The following ADGRL4 variants were observed in gnomAD, a reference collection of about 807,000 sequenced individuals.
The protein encoded by ADGRL4 is adhesion G protein-coupled receptor L4.
ADGRL4 carries 90 observed loss-of-function variants against 74.8 expected under a neutral mutation model. That is an observed-to-expected ratio of 1.20 (90% confidence interval 1.02 to 1.43). The LOEUF (loss-of-function observed/expected upper bound fraction) is 1.43. Ranked by LOEUF, ADGRL4 falls within the 40% of genes most tolerant of loss-of-function variation. ADGRL4 has a pLI of 0.00. For synonymous variants in ADGRL4, 311 were observed against 279.2 expected, an observed-to-expected ratio of 1.11 and a Z score of -1.14; for missense variants, 881 against 814.3, an observed-to-expected ratio of 1.08 and a Z score of -1.00.
Position 78,891,181 on chromosome 1 carries a change from G to T in ADGRL4, c.2046C>A (p.Val682=), listed in dbSNP as rs765133355. The stretch of plus-strand genomic sequence containing the variant: ...ACCTTAAACATCCAAAACAACAGGG[G>T]ACATTTTTGAACAATCTGTAATATT... ...QEEYYRLFKN[V]PCCFGCLR Residue 682 remains valine (V), a synonymous_variant, in exon 15 of 15, where the codon GTC becomes GTA. Coordinates refer to ENST00000370742, the MANE Select transcript of ADGRL4 (RefSeq NM_022159.4). The T allele has an allele frequency of 1.9e-6, 3 of 1,610,504 alleles. No homozygotes were observed. The highest frequency in any genetic ancestry group is 2.5e-6 in the Non-Finnish European group (3 of 1,178,002).
intron 2 of ADGRL4, among the ~76,000 whole-genome samples, chr1:78,993,044 C>A (rs1459770091): frequency 2.6e-5 from 4 of 151,886 alleles, no homozygotes; most frequent in Non-Finnish European, 5.9e-5. Flanking sequence ...CACTGCTTAA[C>A]AGTAGAAAAA....
chr1:78,938,907 T>A (rs1021823136), intron 4 of ADGRL4, among the ~76,000 whole-genome samples: 8 of 152,090 alleles, frequency 5.3e-5, no homozygotes, highest in African/African-American at 1.9e-4. Flanking sequence ...CTCTTTACTA[T>A]TTTTTAATCA....
chr1:78,945,177 A>AAAAATATAT lies in ADGRL4; in HGVS notation c.325+1096_325+1097insATATATTTT, dbSNP rs376405445. On this transcript the variant is annotated intron_variant, in intron 3 of 14. Coordinates refer to ENST00000370742, the MANE Select transcript of ADGRL4 (RefSeq NM_022159.4). ...GAGACTCTGTCTCAAAAAAAAAAAA[A>AAAAATATAT]ATATATATATATATATATATCTCAA... 3.1e-5 allele frequency among the ~76,000 whole-genome samples: 4 copies of AAAAATATAT among 127,892 alleles called. No homozygotes were observed. In the East Asian group the frequency reaches 8.3e-4, roughly 27 times the overall value. 83.9% of individuals were successfully genotyped at this position (127,892 alleles called of 152,430 possible). A position where few individuals can be genotyped will look rare whatever the true frequency, so the allele number is the denominator to read the frequency against.
chr1:78,893,334 A>G (rs1648328838), intron 12 of ADGRL4, 145 bp from the exon 13 acceptor site: 1 of 622,236 alleles, frequency 1.6e-6, no homozygotes, highest in Non-Finnish European at 2.7e-6. Flanking sequence ...ACTGAAAATT[A>G]TCAGTACAAG....
At chr1:78,907,635 C>T (rs552324499) in intron 12 of ADGRL4, among the ~76,000 whole-genome samples, 1 of 152,000 alleles carries the variant, frequency 6.6e-6, no homozygotes, top group Admixed American at 6.6e-5. Flanking sequence ...CGGGACTTTC[C>T]TTGGAAAGTG....
chr1:78,941,857 G>C (rs1649491184), intron 3 of ADGRL4, among the ~76,000 whole-genome samples: 1 of 152,084 alleles, frequency 6.6e-6, no homozygotes, highest in Non-Finnish European at 1.5e-5. Flanking sequence ...TTCAAATCCT[G>C]ACTATAACAC....
chr1:78,997,319 C>A (rs184060045), intron 2 of ADGRL4, among the ~76,000 whole-genome samples: 16 of 152,190 alleles, frequency 1.1e-4, no homozygotes, highest in Admixed American at 6.5e-4. Context: ...CTATTCTATC[C>A]CGCAACCACC....
At position 78,982,035 on chromosome 1, in the gene ADGRL4, C is replaced by T. The variant is rs868258406; in HGVS notation, c.172+23035G>A. Among the ~76,000 whole-genome samples, 179 of 151,808 alleles carry T rather than the reference C, an allele frequency of 1.2e-3. 1 individual carries two copies. Among genetic ancestry groups the T allele is most frequent in the African/African-American group, 3.9e-3 (163 of 41,488 alleles). ...TCTTCTAAAATACATGTTGGTAGTT[C>T]GCTTCTTTGAACCTTACACAAATTT... On this transcript the variant is annotated intron_variant, in intron 2 of 14. Coordinates refer to ENST00000370742, the MANE Select transcript of ADGRL4 (RefSeq NM_022159.4).
intron 2 of ADGRL4, among the ~76,000 whole-genome samples, chr1:78,980,529 T>A (rs1034206635): frequency 6.6e-6 from 1 of 152,006 alleles, no homozygotes; most frequent in African/African-American, 2.4e-5. Flanking sequence ...TTACTTAATA[T>A]TGTTAAAACA....
At chr1:79,006,344 G>A (rs777078854) in intron 1 of ADGRL4, among the ~76,000 whole-genome samples, 18 of 152,110 alleles carry the variant, frequency 1.2e-4, no homozygotes, top group South Asian at 4.1e-4. Flanking sequence ...GGGTGTTAAT[G>A]GTCTGGATTT....
intron 12 of ADGRL4, among the ~76,000 whole-genome samples, chr1:78,900,956 T>C (rs1333812015): frequency 6.6e-6 from 1 of 152,056 alleles, no homozygotes; most frequent in Non-Finnish European, 1.5e-5. Flanking sequence ...AAAGGTTTAA[T>C]GTAATATTAA....
chr1:78,964,167 G>A (rs1487856551), intron 2 of ADGRL4, among the ~76,000 whole-genome samples: 6 of 152,154 alleles, frequency 3.9e-5, no homozygotes, highest in African/African-American at 1.4e-4. Context: ...TAAGAGCAAA[G>A]GAGACTGATT....
chr1:79,005,281 G>T, intron 1 of ADGRL4, 62 bp from the exon 2 acceptor site: 2 of 1,272,490 alleles, frequency 1.6e-6, no homozygotes, highest in Non-Finnish European at 2.1e-6. Flanking sequence ...CCCCATTGTT[G>T]AATTAGAGTA....
At chr1:78,904,469 A>G (rs1648589033) in intron 12 of ADGRL4, among the ~76,000 whole-genome samples, 2 of 151,986 alleles carry the variant, frequency 1.3e-5, no homozygotes, top group African/African-American at 4.8e-5. Context: ...TATGTTTTAC[A>G]ATATACTTTA....
chr1:78,913,097 A>G (rs1472350098), intron 12 of ADGRL4, among the ~76,000 whole-genome samples: 2 of 152,002 alleles, frequency 1.3e-5, no homozygotes, highest in African/African-American at 4.8e-5. Flanking sequence ...ATATCATCTC[A>G]CACCAGTCAG....
At chr1:78,951,204 T>C (rs1171570104) in intron 2 of ADGRL4, among the ~76,000 whole-genome samples, 1 of 152,158 alleles carries the variant, frequency 6.6e-6, no homozygotes, top group Non-Finnish European at 1.5e-5. Context: ...TGGGGCATTA[T>C]TGCACTCTTG....
At chr1:78,932,763 A>T (rs7521402) in intron 7 of ADGRL4, among the ~76,000 whole-genome samples, 91,325 of 151,028 alleles carry the variant, frequency 0.6, 28,417 homozygotes, top group East Asian at 0.7. Context: ...CCCTACAGAA[A>T]TACAAACTAC....
chr1:78,996,105 A>G (rs761778101), intron 2 of ADGRL4, among the ~76,000 whole-genome samples: 2 of 152,198 alleles, frequency 1.3e-5, no homozygotes, highest in Non-Finnish European at 2.9e-5. Context: ...AATTTGTCTC[A>G]GGAAAAAGAT....
chr1:78,899,875 C>T (rs1415360920), intron 12 of ADGRL4, among the ~76,000 whole-genome samples: 3 of 151,554 alleles, frequency 2.0e-5, no homozygotes, highest in Admixed American at 6.6e-5. Context: ...ATAATGGCTC[C>T]CCCTCCAAAA....
Sources: allele counts gnomAD v4.1 joint callset (sites outside exome capture counted in the v4.1 genomes callset), GRCh38; gene constraint gnomAD v4.1.1; transcripts MANE v1.5; gene names NCBI Gene and HGNC (gene_info 2026-07-23, HGNC 2026-07-21).